Variants in GPM6A observed in about 807,000 individuals in gnomAD.
The protein encoded by GPM6A is neuronal membrane glycoprotein M6-a.
A neutral mutation model predicts 32.1 loss-of-function variants in GPM6A; 7 were observed. The ratio of observed to expected loss-of-function variants is 0.22; its 90% confidence interval spans 0.12 to 0.41. GPM6A has a LOEUF of 0.41. GPM6A is among the 10% of genes least tolerant of loss of function. The pLI is 1.00. For missense variants in GPM6A, 235 were observed against 347.2 expected (o/e 0.68, Z 2.57); for synonymous variants, 130 against 123.4 (o/e 1.05, Z -0.35).
chr4:175,881,583 T>C (rs1737277252), intron 1 of GPM6A, among the ~76,000 whole-genome samples: 1 of 152,122 alleles, frequency 6.6e-6, no homozygotes, highest in African/African-American at 2.4e-5. Flanking sequence ...AGCAAAGACT[T>C]GGAACCAACC....
chr4:175,794,897 A>G (rs369207540), intron 1 of GPM6A, among the ~76,000 whole-genome samples: 3 of 152,354 alleles, frequency 2.0e-5, no homozygotes, highest in African/African-American at 7.2e-5. Context: ...TATAGGCAGT[A>G]GAAACAATGG....
At chr4:175,703,232 T>C (rs1019205295) in intron 1 of GPM6A, among the ~76,000 whole-genome samples, 1 of 152,032 alleles carries the variant, frequency 6.6e-6, no homozygotes, top group South Asian at 2.1e-4. Flanking sequence ...ACTACAGTAG[T>C]GCGATCTCGG....
chr4:175,810,187 C>T (rs1478449443), intron 1 of GPM6A, among the ~76,000 whole-genome samples: 1 of 152,134 alleles, frequency 6.6e-6, no homozygotes, highest in Non-Finnish European at 1.5e-5. Context: ...ACAGTTACAA[C>T]CCACGCACAT....
At chr4:175,996,329 A>G (rs1211726187) in intron 1 of GPM6A, among the ~76,000 whole-genome samples, 1 of 152,200 alleles carries the variant, frequency 6.6e-6, no homozygotes, top group Non-Finnish European at 1.5e-5. Flanking sequence ...AGTATGGTGA[A>G]ACCCCTAGTG....
At chr4:175,674,704 A>C (rs749266315) in intron 2 of GPM6A, among the ~76,000 whole-genome samples, 5 of 152,162 alleles carry the variant, frequency 3.3e-5, no homozygotes, top group Non-Finnish European at 7.4e-5. Context: ...CATACACATC[A>C]TGTGTATTTG....
At chr4:175,755,282 T>A (rs760441795) in intron 1 of GPM6A, among the ~76,000 whole-genome samples, 15 of 124,962 alleles carry the variant, frequency 1.2e-4, no homozygotes, top group East Asian at 1.0e-3. Context: ...TGAAAAAAAA[T>A]AAACAAATAT....
intron 1 of GPM6A, among the ~76,000 whole-genome samples, chr4:175,822,219 ACT>A (rs1291017100): frequency 6.6e-6 from 1 of 151,872 alleles, no homozygotes; most frequent in East Asian, 1.9e-4. Context: ...CTGATGTTAA[ACT>A]CTGTTTGCAT....
intron 1 of GPM6A, among the ~76,000 whole-genome samples, chr4:175,880,240 G>T (rs1057334932): frequency 2.0e-5 from 3 of 152,266 alleles, no homozygotes; most frequent in East Asian, 3.9e-4. Context: ...TGTTCCATTG[G>T]TGTATATCTC....
At chr4:175,738,110 G>T (rs955873276) in intron 1 of GPM6A, among the ~76,000 whole-genome samples, 1 of 152,068 alleles carries the variant, frequency 6.6e-6, no homozygotes, top group African/African-American at 2.4e-5. Flanking sequence ...GCTAAATTTT[G>T]TATTTTTAGT....
intron 1 of GPM6A, among the ~76,000 whole-genome samples, chr4:175,744,486 CAATAT>C (rs1329829088): frequency 6.6e-6 from 1 of 151,606 alleles, no homozygotes; most frequent in Non-Finnish European, 1.5e-5. Context: ...GATGGACAAT[CAATAT>C]AATATAAAAA....
intron 3 of GPM6A, among the ~76,000 whole-genome samples, chr4:175,658,950 C>A (rs529556595): frequency 6.6e-6 from 1 of 152,198 alleles, no homozygotes; most frequent in East Asian, 1.9e-4. Flanking sequence ...TGGTTTCCTA[C>A]ACTGAGCTAC....
At chr4:175,699,736 A>G (rs1744771715) in intron 2 of GPM6A, among the ~76,000 whole-genome samples, 1 of 151,954 alleles carries the variant, frequency 6.6e-6, no homozygotes, top group Non-Finnish European at 1.5e-5. Flanking sequence ...CTAGGTTTTA[A>G]GTATCAACAG....
At chr4:175,729,580 A>G (rs1731324162) in intron 1 of GPM6A, among the ~76,000 whole-genome samples, 1 of 152,124 alleles carries the variant, frequency 6.6e-6, no homozygotes, top group Non-Finnish European at 1.5e-5. Flanking sequence ...TCATTTAAAA[A>G]TAACTAAAAG....
intron 3 of GPM6A, among the ~76,000 whole-genome samples, chr4:175,671,141 G>T (rs566192239): frequency 6.6e-6 from 1 of 152,148 alleles, no homozygotes; most frequent in Non-Finnish European, 1.5e-5. Flanking sequence ...AGGATTACAG[G>T]TGTGAGCCAC....
intron 1 of GPM6A, among the ~76,000 whole-genome samples, chr4:175,937,777 A>G (rs1164064122): frequency 2.0e-5 from 3 of 152,116 alleles, no homozygotes; most frequent in Non-Finnish European, 4.4e-5. Context: ...TTAAAATATA[A>G]AAAAGATCTG....
intron 1 of GPM6A, among the ~76,000 whole-genome samples, chr4:175,865,685 C>T (rs1272298821): frequency 2.6e-5 from 4 of 151,988 alleles, no homozygotes; most frequent in Non-Finnish European, 5.9e-5. Context: ...TTTTGTGATG[C>T]TATTACAATT....
At chr4:175,855,001 G>A (rs1736372546) in intron 1 of GPM6A, among the ~76,000 whole-genome samples, 1 of 152,140 alleles carries the variant, frequency 6.6e-6, no homozygotes, top group Non-Finnish European at 1.5e-5. Flanking sequence ...TGCCTCAGTA[G>A]TTAAAATAAT....
chr4:175,884,749 G>A (rs1737396218), intron 1 of GPM6A, among the ~76,000 whole-genome samples: 1 of 151,960 alleles, frequency 6.6e-6, no homozygotes, highest in Non-Finnish European at 1.5e-5. Context: ...GGTCAGGTTG[G>A]TCTCGAACTC....
intron 1 of GPM6A, among the ~76,000 whole-genome samples, chr4:175,703,092 T>C (rs935584934): frequency 6.6e-6 from 1 of 152,170 alleles, no homozygotes; most frequent in African/African-American, 2.4e-5. Flanking sequence ...AATGAGTTAA[T>C]ATAAAAAAAT....
Sources: allele counts gnomAD v4.1 joint callset (sites outside exome capture counted in the v4.1 genomes callset), GRCh38; gene constraint gnomAD v4.1.1; transcripts MANE v1.5; gene names NCBI Gene and HGNC (gene_info 2026-07-23, HGNC 2026-07-21).